Variants in EEF1AKMT2 observed in about 807,000 individuals in gnomAD.
EEF1AKMT2 encodes the protein eukaryotic translation elongation factor 1 alpha lysine methyltransferase 2.
A neutral mutation model predicts 35.8 loss-of-function variants in EEF1AKMT2; 32 were observed. That is an observed-to-expected ratio of 0.89 (90% CI 0.67 to 1.20). EEF1AKMT2 has a LOEUF of 1.20. Ranked by LOEUF, EEF1AKMT2 falls within the 50% of genes most tolerant of loss-of-function variation. The probability of loss-of-function intolerance (pLI) is 0.00; values close to 1 mark genes in which losing one functional copy is unlikely to be tolerated. For missense variants in EEF1AKMT2, 330 were observed against 347.5 expected (o/e 0.95, Z 0.40); for synonymous variants, 121 against 133.7 (o/e 0.91, Z 0.65).
At chr10:124,784,893 T>C (rs1950571255) in intron 3 of EEF1AKMT2, among the ~76,000 whole-genome samples, 1 of 144,836 alleles carries the variant, frequency 6.9e-6, no homozygotes, top group Non-Finnish European at 1.5e-5. Context: ...ATCACACCAC[T>C]GCACTACAGC....
intron 4 of EEF1AKMT2, among the ~76,000 whole-genome samples, chr10:124,773,994 A>G (rs1362008644): frequency 2.0e-5 from 3 of 152,178 alleles, no homozygotes; most frequent in Admixed American, 6.5e-5. Flanking sequence ...AAATTTAGGA[A>G]TCATCATCTC....
chr10:124,759,005 T>G lies in EEF1AKMT2; in HGVS notation c.*1498A>C, dbSNP rs1179350977. 2 of 152,154 alleles carry G rather than the reference T, an allele frequency of 1.3e-5. No homozygotes were observed. The highest frequency in any genetic ancestry group is 2.9e-5 in the Non-Finnish European group (2 of 68,020). The allele number at this position is 152,154 out of a possible 1,614,324, so 9.4% of individuals were successfully genotyped here. A position where few individuals can be genotyped will look rare whatever the true frequency, so the allele number is the denominator to read the frequency against. On this transcript the variant is annotated 3_prime_UTR_variant, in exon 7 of 7. Transcript: ENST00000368836. Reference sequence around the variant, plus strand: ...TAAATGAAAAACTCACTCCTCTGGCTACCCCTCCCCAAAAAGAAAAGGGAC... The same window carrying G: ...TAAATGAAAAACTCACTCCTCTGGCGACCCCTCCCCAAAAAGAAAAGGGAC...
At chr10:124,771,499 T>G (rs1589783717) in intron 4 of EEF1AKMT2, among the ~76,000 whole-genome samples, 1 of 152,112 alleles carries the variant, frequency 6.6e-6, no homozygotes, top group Non-Finnish European at 1.5e-5. Context: ...AAATAACACA[T>G]TTAAGACTGT....
chr10:124,777,287 A>AG, intron 3 of EEF1AKMT2, among the ~76,000 whole-genome samples: 1 of 152,154 alleles, frequency 6.6e-6, no homozygotes, highest in African/African-American at 2.4e-5. Context: ...CTCAAAAAAA[A>AG]AAAAAAAAAG....
At chr10:124,777,975 T>C (rs1176243683) in intron 3 of EEF1AKMT2, among the ~76,000 whole-genome samples, 2 of 152,094 alleles carry the variant, frequency 1.3e-5, no homozygotes, top group Admixed American at 6.6e-5. Context: ...CAACCCTCTA[T>C]ATCCACAGGG....
At chr10:124,767,663 T>A (rs975689667) in intron 4 of EEF1AKMT2, among the ~76,000 whole-genome samples, 1 of 151,964 alleles carries the variant, frequency 6.6e-6, no homozygotes, top group Non-Finnish European at 1.5e-5. Flanking sequence ...ATTAAGTGAC[T>A]TGGAAGAGAA....
intron 4 of EEF1AKMT2, chr10:124,765,892 A>G (rs943279879): frequency 1.2e-5 from 3 of 247,426 alleles, no homozygotes; most frequent in Non-Finnish European, 2.3e-5. Flanking sequence ...ATACCAGCAC[A>G]TTATGGAGCT....
intron 1 of EEF1AKMT2, among the ~76,000 whole-genome samples, 158 bp from the exon 2 acceptor site, chr10:124,790,496 G>A (rs950867611): frequency 6.6e-6 from 1 of 151,958 alleles, no homozygotes; most frequent in Non-Finnish European, 1.5e-5. Flanking sequence ...TAACGTCCTT[G>A]AGTTAAAAGA....
chr10:124,775,459 CT>C (rs1950480358), intron 3 of EEF1AKMT2, among the ~76,000 whole-genome samples: 1 of 152,158 alleles, frequency 6.6e-6, no homozygotes, highest in Non-Finnish European at 1.5e-5. Flanking sequence ...ATGGAAGCTT[CT>C]GGTCTTTACA....
intron 1 of EEF1AKMT2, 53 bp from the exon 2 acceptor site, chr10:124,790,391 A>T: frequency 1.6e-6 from 2 of 1,256,134 alleles, no homozygotes; most frequent in South Asian, 2.4e-5. Flanking sequence ...CTGTATTATG[A>T]ATTAAATGTA....
chr10:124,785,755 G>A (rs1950578706), intron 3 of EEF1AKMT2, among the ~76,000 whole-genome samples: 1 of 151,944 alleles, frequency 6.6e-6, no homozygotes, highest in African/African-American at 2.4e-5. Context: ...AATTAGCCAG[G>A]CGTGCTGGCG....
chr10:124,784,939 A>G (rs1273852492), intron 3 of EEF1AKMT2, among the ~76,000 whole-genome samples: 1 of 150,364 alleles, frequency 6.7e-6, no homozygotes, highest in Non-Finnish European at 1.5e-5. Context: ...TTAAAAAAAA[A>G]AAAAAAAAGG....
At chr10:124,767,491 G>A (rs114124478) in intron 4 of EEF1AKMT2, among the ~76,000 whole-genome samples, 189 of 139,238 alleles carry the variant, frequency 1.4e-3, no homozygotes, top group African/African-American at 5.0e-3. Flanking sequence ...CTGTCTAGGC[G>A]ACAGGGCGAG....
At position 124,760,465 on chromosome 10, in the gene EEF1AKMT2, T is replaced by C. The variant is rs377640360; in HGVS notation, c.*38A>G. 1.2e-6 allele frequency: 2 copies of C among 1,613,832 alleles called. No individual in the cohort carries two copies. Among genetic ancestry groups the C allele is most frequent in the Non-Finnish European group, 1.7e-6 (2 of 1,179,826 alleles). ...CTGTTTCCAGATCTGCCTCCAAAGC[T>C]GAACTTGGGTGTTGGTAGCTCTTCG... is the stretch of plus-strand genomic sequence containing the variant. On this transcript the variant is annotated 3_prime_UTR_variant, in exon 7 of 7. Coordinates refer to ENST00000368836, the MANE Select transcript of EEF1AKMT2 (RefSeq NM_212554.4).
At chr10:124,767,340 T>G (rs552892699) in intron 4 of EEF1AKMT2, among the ~76,000 whole-genome samples, 1 of 150,882 alleles carries the variant, frequency 6.6e-6, no homozygotes, top group African/African-American at 2.4e-5. Context: ...GGTGAAACCC[T>G]GTCTCTACTA....
rs200604629 is a variant in EEF1AKMT2, at chr10:124,789,137, T to C, written c.197A>G (p.Asn66Ser). 1.3e-5 allele frequency: 21 copies of C among 1,612,906 alleles called. No homozygotes were observed. In the Admixed American group the frequency reaches 1.7e-4, roughly 13 times the overall value. ...TTTCTGCATCCACCTTATTAGTCGA[T>C]TCATACTCTCTTCTCCAAACCTGTT... ...GEIWFGEESMNRLIRWMQKHK... is the reference protein window; with the variant it reads ...GEIWFGEESMSRLIRWMQKHK... The change falls in exon 3 of 7, where the codon AAT becomes AGT. Residue 66 changes from asparagine to serine, a missense_variant. Physicochemically the swap from Asn to Ser is conservative, Grantham distance 46. Transcript: ENST00000368836.
At position 124,767,614 on chromosome 10, in the gene EEF1AKMT2, T is replaced by C. The variant is rs983542299; in HGVS notation, c.400-2006A>G. 6.6e-5 allele frequency among the ~76,000 whole-genome samples: 10 copies of C among 151,582 alleles called. 1 individual carries two copies. Among genetic ancestry groups the C allele is most frequent in the Admixed American group, 2.6e-4 (4 of 15,212 alleles). ...AATAAGCTAAATAAGTAACTTCAGA[T>C]AAAGTGCCATGAAGAAAATAAAGCC... On this transcript the variant is annotated intron_variant, in intron 4 of 6. Coordinates refer to ENST00000368836, the MANE Select transcript of EEF1AKMT2 (RefSeq NM_212554.4).
chr10:124,770,141 G>A (rs760070982), intron 4 of EEF1AKMT2, among the ~76,000 whole-genome samples: 4 of 151,578 alleles, frequency 2.6e-5, no homozygotes, highest in Non-Finnish European at 4.4e-5. Context: ...AAAAATGGCC[G>A]GGCGTGGTAG....
At chr10:124,774,133 C>T (rs954112553) in intron 4 of EEF1AKMT2, among the ~76,000 whole-genome samples, 2 of 151,966 alleles carry the variant, frequency 1.3e-5, no homozygotes, top group Non-Finnish European at 1.5e-5. Flanking sequence ...TCTGGGAGGC[C>T]GAAGCGGGCA....
Sources: gnomAD v4.1 joint callset for allele counts (sites outside exome capture counted in the v4.1 genomes callset) on GRCh38, gnomAD v4.1.1 for gene constraint, MANE v1.5 for transcripts, NCBI Gene and HGNC (gene_info 2026-07-23, HGNC 2026-07-21) for gene names.